Variants in ABTB2 observed in about 807,000 individuals in gnomAD.
ABTB2 encodes ankyrin repeat and BTB/POZ domain-containing protein 2.
ABTB2 carries 56 observed loss-of-function variants against 104.1 expected under a neutral mutation model. That is an observed-to-expected ratio of 0.54 (90% CI 0.43 to 0.67). The LOEUF (loss-of-function observed/expected upper bound fraction) is 0.67, where lower values mean the gene tolerates loss of function less well. ABTB2 is among the 30% of genes least tolerant of loss of function. The pLI, the probability that ABTB2 is intolerant of heterozygous loss-of-function variation, is 0.00. For synonymous variants in ABTB2, 606 were observed against 608.2 expected, an observed-to-expected ratio of 1.00 and a Z score of 0.05; for missense variants, 1,279 against 1,407.7, an observed-to-expected ratio of 0.91 and a Z score of 1.46.
intron 1 of ABTB2, among the ~76,000 whole-genome samples, chr11:34,246,601 C>CAAAAAAA (rs60681759): frequency 2.9e-5 from 1 of 34,776 alleles, no homozygotes; most frequent in Non-Finnish European, 4.7e-5. Flanking sequence ...AACTCCATCT[C>CAAAAAAA]AAAAAAAAAA....
chr11:34,248,108 A>C lies in ABTB2; in HGVS notation c.884-43418T>G, dbSNP rs1482285684. On this transcript the variant is annotated intron_variant, in intron 1 of 16. Transcript: ENST00000435224. ...CTATAATTTTTCTTAAAAAAAAAAA[A>C]AAAAAAAAAAAAAACAGGGTCTTGC... Among the ~76,000 whole-genome samples the C allele has an allele frequency of 3.4e-4, 23 of 67,872 alleles. 2 individuals are homozygous for C. The highest frequency in any genetic ancestry group is 8.9e-4 in the Admixed American group (8 of 8,966). The allele number at this position is 67,872 out of a possible 152,430, so 44.5% of individuals were successfully genotyped here. A position where few individuals can be genotyped will look rare whatever the true frequency, so the allele number is the denominator to read the frequency against.
intron 1 of ABTB2, among the ~76,000 whole-genome samples, chr11:34,352,569 C>T (rs10768067): frequency 0.15 from 22,404 of 152,194 alleles, 2,794 homozygotes; most frequent in East Asian, 0.35. Context: ...AGGGTCAGTG[C>T]TCAATAATTG....
intron 1 of ABTB2, among the ~76,000 whole-genome samples, chr11:34,247,784 A>T (rs1854003448): frequency 6.6e-6 from 1 of 152,220 alleles, no homozygotes; most frequent in Admixed American, 6.5e-5. Flanking sequence ...AGCACTTCAC[A>T]TGTACCATTT....
intron 1 of ABTB2, among the ~76,000 whole-genome samples, chr11:34,232,136 C>T (rs2926467): frequency 0.69 from 105,411 of 152,048 alleles, 36,616 homozygotes; most frequent in Middle Eastern, 0.8. Flanking sequence ...AATACTCTTG[C>T]GACTTTCATG....
At chr11:34,216,225 A>G (rs1390966022) in intron 1 of ABTB2, among the ~76,000 whole-genome samples, 1 of 152,150 alleles carries the variant, frequency 6.6e-6, no homozygotes, top group East Asian at 1.9e-4. Context: ...CAGACTACCT[A>G]GGCTTGGTGG....
In ABTB2 at chr11:34,357,141, ACGCTCAGGCGCTGCGCCT is replaced by A. The variant is rs1487483651; in HGVS notation, c.425_442del (p.Glu142_Ser147del). 6.7e-7 allele frequency: 1 copy of A among 1,499,932 alleles called. No homozygotes were observed. Among genetic ancestry groups the A allele is most frequent in the East Asian group, 2.5e-5 (1 of 39,716 alleles). 92.9% of individuals were successfully genotyped at this position (1,499,932 alleles called of 1,614,324 possible). ...AAAGCGGGTGCACTTGGCGTGCAGC[ACGCTCAGGCGCTGCGCCT>A]CGCGGGCCACGCGGATCAGTGCCCT... On this transcript the variant is annotated inframe_deletion, in exon 1 of 17. Coordinates refer to ENST00000435224, the MANE Select transcript of ABTB2 (RefSeq NM_145804.3).
At chr11:34,168,870 C>T (rs558130385) in intron 5 of ABTB2, among the ~76,000 whole-genome samples, 51 of 152,358 alleles carry the variant, frequency 3.3e-4, no homozygotes, top group African/African-American at 1.1e-3. Context: ...AAAGGCAGTG[C>T]AAACTGTTTA....
chr11:34,203,285 TG>T (rs1201394047), intron 2 of ABTB2, among the ~76,000 whole-genome samples: 1 of 152,178 alleles, frequency 6.6e-6, no homozygotes, highest in Non-Finnish European at 1.5e-5. Flanking sequence ...GAGGAACAAA[TG>T]AGATAAAAAG....
intron 1 of ABTB2, among the ~76,000 whole-genome samples, chr11:34,354,610 C>G (rs998818857): frequency 7.9e-5 from 12 of 152,210 alleles, no homozygotes; most frequent in Non-Finnish European, 1.5e-4. Context: ...CAGAAGACAT[C>G]TGTTTTCTAG....
chr11:34,278,242 A>C (rs1162263923), intron 1 of ABTB2, among the ~76,000 whole-genome samples: 2 of 152,212 alleles, frequency 1.3e-5, no homozygotes, highest in African/African-American at 2.4e-5. Context: ...TAGATAATCT[A>C]GAATTTCTTC....
chr11:34,167,112 C>T (rs1450472246), intron 7 of ABTB2, 147 bp downstream of exon 7: 3 of 696,504 alleles, frequency 4.3e-6, no homozygotes, highest in Admixed American at 2.8e-5. Flanking sequence ...GGCTGCTGCT[C>T]TATCGATCAG....
rs537643084 is a variant in ABTB2, at chr11:34,310,361, C to T, written c.883+46340G>A. Among the ~76,000 whole-genome samples the T allele has an allele frequency of 5.3e-5, 8 of 152,242 alleles. No individual in the cohort carries two copies. The East Asian group carries it at 1.2e-3, about 22-fold the overall frequency. On this transcript the variant is annotated intron_variant, in intron 1 of 16. Transcript: ENST00000435224. ...CTGTGAGTGCCAGAAATGTGAGTCC[C>T]GATTCACCTACCCCTCCCTGCAACC... is the stretch of plus-strand genomic sequence containing the variant.
intron 1 of ABTB2, among the ~76,000 whole-genome samples, chr11:34,314,505 C>T (rs772744070): frequency 2.0e-5 from 3 of 152,194 alleles, no homozygotes; most frequent in Non-Finnish European, 2.9e-5. Context: ...TAAGGACCTA[C>T]CATGTGACAC....
chr11:34,346,631 A>T (rs1855335646), intron 1 of ABTB2, among the ~76,000 whole-genome samples: 1 of 152,196 alleles, frequency 6.6e-6, no homozygotes, highest in African/African-American at 2.4e-5. Context: ...TAGGAAAATG[A>T]CTGCACAGTG....
chr11:34,173,872 G>A (rs767658780), intron 3 of ABTB2, among the ~76,000 whole-genome samples: 1 of 152,174 alleles, frequency 6.6e-6, no homozygotes, highest in African/African-American at 2.4e-5. Flanking sequence ...TGTAGCACAC[G>A]TGTGATACCT....
chr11:34,220,508 A>G (rs530702802), intron 1 of ABTB2, among the ~76,000 whole-genome samples: 6 of 152,322 alleles, frequency 3.9e-5, no homozygotes, highest in African/African-American at 1.4e-4. Context: ...CAACTGTGAC[A>G]TACTGTTTGA....
chr11:34,303,072 T>A (rs1226295812), intron 1 of ABTB2, among the ~76,000 whole-genome samples: 1 of 152,198 alleles, frequency 6.6e-6, no homozygotes, highest in East Asian at 1.9e-4. Context: ...CACAGAACAC[T>A]TTCTCAGGTA....
chr11:34,160,068 GA>G, intron 12 of ABTB2, 60 bp from the exon 13 acceptor site: 1 of 1,465,980 alleles, frequency 6.8e-7, no homozygotes, highest in South Asian at 1.2e-5. Flanking sequence ...GGGTTTGCTT[GA>G]GTGTGCTGTG....
Position 34,160,256 on chromosome 11 carries a change from G to C in ABTB2, c.2495C>G (p.Ala832Gly). 6.2e-7 allele frequency: 1 copy of C among 1,613,650 alleles called. No homozygotes were observed. Among genetic ancestry groups the C allele is most frequent in the Non-Finnish European group, 8.5e-7 (1 of 1,179,608 alleles). The part of the protein sequence containing the change: ...SIPEIRKTLP[A>G]RLDPHFLNNK... The stretch of plus-strand genomic sequence containing the variant: ...AGGGGGCGCGCCTTCACCTAGCCTG[G>C]CCGGCAGGGTCTTCCGGATCTCTGG... Residue 832 changes from alanine (A) to glycine (G), a missense_variant, in exon 12 of 17, where the codon GCC becomes GGC. Physicochemically the swap from Ala to Gly is moderately conservative, Grantham distance 60. Transcript: ENST00000435224.
Sources: allele counts gnomAD v4.1 joint callset (sites outside exome capture counted in the v4.1 genomes callset), GRCh38; gene constraint gnomAD v4.1.1; transcripts MANE v1.5; gene names NCBI Gene and HGNC (gene_info 2026-07-23, HGNC 2026-07-21).